The following CMC4 variants were observed in gnomAD, a reference collection of about 807,000 sequenced individuals.
CMC4 encodes cx9C motif-containing protein 4.
In CMC4, 4 loss-of-function variants were observed where a neutral mutation model predicts 5.1. The observed-to-expected ratio is 0.78, with a 90% CI of 0.38 to 1.78. The LOEUF (loss-of-function observed/expected upper bound fraction) is 1.78. Among genes scored for constraint, CMC4 ranks in the 40% most tolerant of loss-of-function variants. The pLI is 0.04. For synonymous variants in CMC4, 23 were observed against 18.9 expected (o/e 1.22, Z -0.57); for missense variants, 52 against 51.3 (o/e 1.01, Z -0.04).
At chrX:155,062,652 G>A (rs191208339) in intron 2 of CMC4, among the ~76,000 whole-genome samples, 91 of 111,823 alleles carry the variant, frequency 8.1e-4, no homozygotes, top group African/African-American at 2.9e-3. Context: ...GAGTCCCCCA[G>A]TACTAAAATG....
intron 1 of CMC4, among the ~76,000 whole-genome samples, chrX:155,067,653 A>C (rs1380275943): frequency 8.9e-6 from 1 of 112,268 alleles, no homozygotes; most frequent in Non-Finnish European, 1.9e-5. Context: ...TTTATATTTA[A>C]ACAAAGTCAC....
intron 1 of CMC4, among the ~76,000 whole-genome samples, chrX:155,069,457 T>G (rs1557292249): frequency 8.9e-6 from 1 of 112,314 alleles, no homozygotes; most frequent in East Asian, 2.8e-4. Context: ...ATAGTCTTTA[T>G]TTAGCATTTC....
rs200622108 is a variant in CMC4, at chrX:155,065,914, C to G, written c.-10-1881G>C. On this transcript the variant is annotated intron_variant, in intron 1 of 2. Coordinates refer to ENST00000369484, the MANE Select transcript of CMC4 (RefSeq NM_001018024.3). ...AAAATGTAAACAGTTACCTCTTCCA[C>G]GACGGCCACCCACGTGCGCTGGTAT... 39 of 1,209,032 alleles carry G rather than the reference C, an allele frequency of 3.2e-5. No homozygotes were observed. The Admixed American group carries it at 3.7e-4, about 11-fold the overall frequency.
intron 1 of CMC4, among the ~76,000 whole-genome samples, chrX:155,069,054 CA>C (rs1164704543): frequency 8.9e-6 from 1 of 112,588 alleles, no homozygotes; most frequent in Non-Finnish European, 1.9e-5. Flanking sequence ...CCAAGACAGA[CA>C]ATTTCTTAGT....
intron 1 of CMC4, 38 bp from the exon 2 acceptor site, chrX:155,064,071 C>G: frequency 9.1e-7 from 1 of 1,101,425 alleles, no homozygotes; most frequent in Non-Finnish European, 1.2e-6. Context: ...TTCTTTTTTC[C>G]ATAAAGACTT....
rs1557291817 is a variant in CMC4, at chrX:155,064,009, A to C, written c.15T>G (p.Asp5Glu). The C allele has an allele frequency of 1.7e-6, 2 of 1,193,648 alleles. No individual in the cohort carries two copies. Among genetic ancestry groups the C allele is most frequent in the African/African-American group, 3.6e-5 (2 of 56,205 alleles). ...TCTCACAGGCTTGCTTCTGGCACGG[A>C]TCCTTCTGCGGCATATCCAGAAAAC... MPQK[D>E]PCQKQACEIQ... Residue 5 changes from aspartate to glutamate, a missense_variant, in exon 2 of 3, where the codon GAT (aspartate) becomes GAG (glutamate). Asp to Glu is a conservative substitution (Grantham distance 45). Coordinates refer to ENST00000369484, the MANE Select transcript of CMC4 (RefSeq NM_001018024.3).
intron 1 of CMC4, among the ~76,000 whole-genome samples, chrX:155,066,534 CAT>C (rs1233201316): frequency 2.3e-4 from 26 of 112,475 alleles, no homozygotes; most frequent in Middle Eastern, 4.2e-3. Flanking sequence ...TTCTGAAGGA[CAT>C]ATATGCATGT....
intron 1 of CMC4, chrX:155,066,071 G>A (rs2073947223): frequency 2.1e-6 from 2 of 951,878 alleles, no homozygotes; most frequent in Non-Finnish European, 3.0e-6. Flanking sequence ...CAGCACCCGC[G>A]CACAGGACAC....
chrX:155,064,018 C>T lies in CMC4; in HGVS notation c.6G>A (p.Pro2=), dbSNP rs146814295. M[P]QKDPCQKQAC... ...CTTGCTTCTGGCACGGATCCTTCTG[C>T]GGCATATCCAGAAAACTAAAACAAG... Residue 2 remains proline, a synonymous_variant, in exon 2 of 3, where the codon CCG becomes CCA. Transcript: ENST00000369484. 2.1e-5 allele frequency: 25 copies of T among 1,187,611 alleles called. No individual in the cohort carries two copies. Among genetic ancestry groups the T allele is most frequent in the South Asian group, 7.6e-5 (4 of 52,656 alleles).
intron 1 of CMC4, among the ~76,000 whole-genome samples, chrX:155,066,367 AAG>A (rs2073948303): frequency 8.9e-6 from 1 of 112,331 alleles, no homozygotes; most frequent in Non-Finnish European, 1.9e-5. Flanking sequence ...CTGCATTCAC[AAG>A]CAGTGTCTGG....
chrX:155,062,269 ACAT>A (rs2073931186), intron 2 of CMC4, among the ~76,000 whole-genome samples: 1 of 112,224 alleles, frequency 8.9e-6, no homozygotes, highest in African/African-American at 3.2e-5. Flanking sequence ...TTGGTTTTTA[ACAT>A]CATTTTTATT....
chrX:155,067,606 C>G (rs1040238412), intron 1 of CMC4, among the ~76,000 whole-genome samples: 28 of 112,368 alleles, frequency 2.5e-4, no homozygotes, highest in African/African-American at 8.7e-4. Context: ...TCTATGAAAA[C>G]TTTAGAAAAT....
intron 2 of CMC4, 125 bp from the exon 3 acceptor site, chrX:155,062,116 C>A: frequency 1.6e-6 from 1 of 635,974 alleles, no homozygotes; most frequent in Non-Finnish European, 2.2e-6. Flanking sequence ...AGAAGATATA[C>A]CAAAGTCCAC....
intron 2 of CMC4, 52 bp downstream of exon 2, chrX:155,063,914 A>G: frequency 1.0e-6 from 1 of 969,222 alleles, no homozygotes; most frequent in Non-Finnish European, 1.4e-6. Context: ...TTGGTCTCTT[A>G]TAGTTAGTTC....
intron 2 of CMC4, 103 bp downstream of exon 2, chrX:155,063,863 G>A (rs1360225028): frequency 6.4e-5 from 39 of 605,898 alleles, no homozygotes; most frequent in South Asian, 2.3e-4. Flanking sequence ...TTACATATAC[G>A]TTACATTCTT....
intron 1 of CMC4, chrX:155,065,585 A>G (rs1261095843): frequency 1.1e-5 from 13 of 1,206,897 alleles, no homozygotes; most frequent in South Asian, 1.8e-5. Flanking sequence ...CGAGAGTCCC[A>G]GTACAATGGA....
At position 155,071,031 on chromosome X, in the gene CMC4, C is replaced by T. The variant is rs2073972411; in HGVS notation, c.-348G>A. On this transcript the variant is annotated 5_prime_UTR_variant, in exon 1 of 3. Coordinates refer to ENST00000369484, the MANE Select transcript of CMC4 (RefSeq NM_001018024.3). The stretch of plus-strand genomic sequence containing the variant: ...GGAGATGTCGTCTTAAAGGGCTGTC[C>T]CCCAAGCGTGTAGGCCGCGCACGGG... 1 of 112,793 alleles carries T rather than the reference C, an allele frequency of 8.9e-6. No homozygotes were observed. Among genetic ancestry groups the T allele is most frequent in the Non-Finnish European group, 1.9e-5 (1 of 53,154 alleles). 9.3% of individuals were successfully genotyped at this position (112,793 alleles called of 1,213,427 possible).
chrX:155,063,313 C>T (rs1481910111), intron 2 of CMC4, among the ~76,000 whole-genome samples: 1 of 112,138 alleles, frequency 8.9e-6, no homozygotes, highest in Non-Finnish European at 1.9e-5. Flanking sequence ...ATTTTCATGA[C>T]CTTCCATCTC....
chrX:155,065,651 A>C (rs782370425), intron 1 of CMC4: 1 of 1,209,731 alleles, frequency 8.3e-7, no homozygotes, highest in Non-Finnish European at 1.1e-6. Flanking sequence ...CACAAGCGAG[A>C]GTTGTTATCC....
Sources: allele counts gnomAD v4.1 joint callset (sites outside exome capture counted in the v4.1 genomes callset), GRCh38; gene constraint gnomAD v4.1.1; transcripts MANE v1.5; gene names NCBI Gene and HGNC (gene_info 2026-07-23, HGNC 2026-07-21).